The following SIPA1L3 variants were observed in gnomAD, a reference collection of about 807,000 sequenced individuals.
SIPA1L3 encodes the protein signal induced proliferation associated 1 like 3.
A neutral mutation model predicts 150.1 loss-of-function variants in SIPA1L3; 59 were observed. The ratio of observed to expected loss-of-function variants is 0.39; its 90% CI spans 0.32 to 0.49. The LOEUF is 0.49. SIPA1L3 is among the 20% of genes least tolerant of loss of function. The pLI is 0.86. For synonymous variants in SIPA1L3, 1,070 were observed against 1,077.6 expected (o/e 0.99, Z 0.14); for missense variants, 2,211 against 2,489.5 (o/e 0.89, Z 2.38).
chr19:38,155,488 T>C (rs1240626479), intron 13 of SIPA1L3, among the ~76,000 whole-genome samples: 2 of 152,240 alleles, frequency 1.3e-5, no homozygotes, highest in Admixed American at 1.3e-4. Context: ...TGTGAACTAC[T>C]CAGATGAATA....
At chr19:37,932,445 G>A (rs957642996) in intron 1 of SIPA1L3, 2 of 123,622 alleles carry the variant, frequency 1.6e-5, no homozygotes, top group Non-Finnish European at 3.1e-5. Flanking sequence ...GGGGAACTCC[G>A]GTGGCTGGCT....
chr19:38,043,598 C>T (rs548991027), intron 2 of SIPA1L3, among the ~76,000 whole-genome samples: 33 of 152,236 alleles, frequency 2.2e-4, no homozygotes, highest in African/African-American at 5.8e-4. Flanking sequence ...ATCATGCCAC[C>T]GTATATATGA....
At chr19:38,018,610 G>A (rs987351264) in intron 1 of SIPA1L3, among the ~76,000 whole-genome samples, 1 of 152,032 alleles carries the variant, frequency 6.6e-6, no homozygotes, top group Non-Finnish European at 1.5e-5. Context: ...TCCTTTTATG[G>A]CTGAATATTC....
At chr19:38,201,818 C>G in intron 19 of SIPA1L3, 44 bp from the exon 20 acceptor site, 1 of 1,556,878 alleles carries the variant, frequency 6.4e-7, no homozygotes, top group Non-Finnish European at 8.7e-7. Context: ...CGGGAGAAGC[C>G]GGGAGCCTTG....
In SIPA1L3 at chr19:38,206,206, C is replaced by G; in HGVS notation, c.5312C>G (p.Ala1771Gly). ...GCCAGCGAGCAGCTGCGCAAGTTTG[C>G]GGAGATCTTCTGCAGGGAGAAGAAG... ...QAASEQLRKF[A>G]EIFCREKKEL Residue 1771 changes from alanine (A) to glycine (G), a missense_variant, in exon 22 of 22, where the codon GCG (alanine) becomes GGG (glycine). Coordinates refer to ENST00000222345, the MANE Select transcript of SIPA1L3 (RefSeq NM_015073.3). 1 of 1,562,220 alleles carries G rather than the reference C, an allele frequency of 6.4e-7. No individual in the cohort carries two copies. Among genetic ancestry groups the G allele is most frequent in the Non-Finnish European group, 8.7e-7 (1 of 1,153,142 alleles).
intron 1 of SIPA1L3, among the ~76,000 whole-genome samples, chr19:37,920,315 C>T (rs1164394770): frequency 1.3e-5 from 2 of 152,166 alleles, no homozygotes; most frequent in Non-Finnish European, 2.9e-5. Flanking sequence ...CTTTTTCCTC[C>T]CAAAGTGTTG....
In SIPA1L3 at chr19:38,198,453, C is replaced by G; in HGVS notation, c.4905C>G (p.Asp1635Glu). The change falls in exon 19 of 22, where the codon GAC (aspartate) becomes GAG (glutamate). Residue 1635 changes from aspartate (D) to glutamate (E), a missense_variant. Around this residue, in one of 5 missense-constraint regions of SIPA1L3, gnomAD observed 806 missense variants for 870.1 expected, o/e 0.93. Transcript: ENST00000222345. ...DGRDRPLRRL[D>E]PGLMPLPDTA... The stretch of plus-strand genomic sequence containing the variant: ...GGGACCGCCCCCTGCGGCGCCTGGA[C>G]CCTGGGCTGATGCCCCTGCCTGACA... 6.2e-7 allele frequency: 1 copy of G among 1,605,742 alleles called. No homozygotes were observed. The highest frequency in any genetic ancestry group is 8.5e-7 in the Non-Finnish European group (1 of 1,176,904).
intron 1 of SIPA1L3, among the ~76,000 whole-genome samples, chr19:37,979,959 G>T (rs1967163335): frequency 6.6e-6 from 1 of 152,200 alleles, no homozygotes. Context: ...TGCGTGGCAG[G>T]CCGCTGGCTG....
At chr19:38,149,098 C>T (rs1971765659) in intron 12 of SIPA1L3, among the ~76,000 whole-genome samples, 1 of 152,034 alleles carries the variant, frequency 6.6e-6, no homozygotes, top group Admixed American at 6.6e-5. Flanking sequence ...AATAAAAAGT[C>T]TTGTTAGTTG....
intron 2 of SIPA1L3, among the ~76,000 whole-genome samples, chr19:38,078,469 C>CAG (rs1491087327): frequency 6.8e-6 from 1 of 147,798 alleles, no homozygotes; most frequent in African/African-American, 2.6e-5. Flanking sequence ...CACACACACA[C>CAG]AGGCACACAG....
In SIPA1L3 at chr19:38,082,170, A is replaced by G. The variant is rs754596271; in HGVS notation, c.605A>G (p.Tyr202Cys). The G allele has an allele frequency of 3.1e-6, 5 of 1,605,022 alleles. No individual in the cohort carries two copies. The highest frequency in any genetic ancestry group is 4.2e-6 in the Non-Finnish European group (5 of 1,179,714). Residue 202 changes from tyrosine to cysteine, a missense_variant, in exon 3 of 22, where the codon TAC becomes TGC. This residue lies in a region of SIPA1L3 where 587 missense variants were observed against 534.5 expected (regional missense o/e 1.10). Transcript: ENST00000222345. ...HTGALPLFRE[Y>C]GSTSSIDVQG... is the part of the protein sequence containing the mutation. ...GGGGCGCTGCCCCTCTTCCGCGAGTACGGGAGCACCTCGTCCATCGACGTG... is the reference window on the plus strand; with the variant it reads ...GGGGCGCTGCCCCTCTTCCGCGAGTGCGGGAGCACCTCGTCCATCGACGTG...
chr19:38,035,051 C>T (rs904165757), intron 2 of SIPA1L3, among the ~76,000 whole-genome samples: 2 of 152,254 alleles, frequency 1.3e-5, no homozygotes, highest in African/African-American at 2.4e-5. Context: ...TCGGGGAAGC[C>T]CAGGGGAGTG....
chr19:38,034,849 T>A (rs1157424004), intron 2 of SIPA1L3, among the ~76,000 whole-genome samples: 1 of 152,208 alleles, frequency 6.6e-6, no homozygotes, highest in Non-Finnish European at 1.5e-5. Context: ...CCTTCTAGCC[T>A]TTTCTTTCTC....
chr19:38,162,520 G>A (rs565689474), intron 14 of SIPA1L3, 149 bp downstream of exon 14: 1 of 652,434 alleles, frequency 1.5e-6, no homozygotes, highest in East Asian at 2.7e-5. Context: ...AACCAACCAG[G>A]TTCACATTCT....
intron 2 of SIPA1L3, among the ~76,000 whole-genome samples, chr19:38,069,976 C>T (rs1267402560): frequency 1.3e-5 from 2 of 151,706 alleles, no homozygotes; most frequent in Non-Finnish European, 2.9e-5. Flanking sequence ...ATGCCTGGCC[C>T]AGACACCTAT....
chr19:37,946,911 C>T (rs1342214296), intron 1 of SIPA1L3, among the ~76,000 whole-genome samples: 1 of 152,192 alleles, frequency 6.6e-6, no homozygotes, highest in Non-Finnish European at 1.5e-5. Flanking sequence ...CTGGGCCAGG[C>T]GCAGTGGCTC....
At chr19:38,057,290 G>GTA (rs1409735026) in intron 2 of SIPA1L3, among the ~76,000 whole-genome samples, 5 of 129,480 alleles carry the variant, frequency 3.9e-5, no homozygotes, top group South Asian at 4.6e-4. Context: ...ATATATATAT[G>GTA]TATATATATG....
intron 2 of SIPA1L3, among the ~76,000 whole-genome samples, chr19:38,067,927 C>T (rs1027878715): frequency 6.6e-6 from 1 of 152,116 alleles, no homozygotes; most frequent in Non-Finnish European, 1.5e-5. Context: ...CTAAGATTTT[C>T]ATCCATCTTA....
chr19:38,133,062 C>A (rs1490281375), intron 10 of SIPA1L3, among the ~76,000 whole-genome samples: 1 of 152,226 alleles, frequency 6.6e-6, no homozygotes, highest in Non-Finnish European at 1.5e-5. Context: ...TGCTCCACCA[C>A]TGGTATTTTC....
Sources: allele counts gnomAD v4.1 joint callset (sites outside exome capture counted in the v4.1 genomes callset), GRCh38; gene constraint gnomAD v4.1.1; regional missense constraint gnomAD v4.1.1; transcripts MANE v1.5; gene names NCBI Gene and HGNC (gene_info 2026-07-23, HGNC 2026-07-21).